The following GUCY1A2 variants were observed in gnomAD, a reference collection of about 807,000 sequenced individuals.
GUCY1A2 encodes guanylate cyclase soluble subunit alpha-2.
In GUCY1A2, 27 loss-of-function variants were observed where a neutral mutation model predicts 63.5. That is an observed-to-expected ratio of 0.43 (90% CI 0.31 to 0.59). The LOEUF (loss-of-function observed/expected upper bound fraction) is 0.59. Among genes scored for constraint, GUCY1A2 ranks in the 20% least tolerant of loss-of-function variants. GUCY1A2 has a pLI of 0.11. For synonymous variants in GUCY1A2, 364 were observed against 343.5 expected, an observed-to-expected ratio of 1.06 and a Z score of -0.66; for missense variants, 768 against 913.3, an observed-to-expected ratio of 0.84 and a Z score of 2.05.
rs192976403 is a variant in GUCY1A2 at position 107,007,995 on chromosome 11, C to T, written c.303+9758G>A. Among the ~76,000 whole-genome samples the T allele has an allele frequency of 4.1e-4, 61 of 149,878 alleles. 9 individuals carry two copies. In the Admixed American group the frequency reaches 4.2e-3, roughly 10 times the overall value. ...CTACAGGCATTTTAAGATAATCATA[C>T]TATCCGGCCTGGTGCGGTGGCTCAC... On this transcript the variant is annotated intron_variant, in intron 1 of 7. Transcript: ENST00000526355.
At chr11:106,803,211 C>A (rs1858635061) in intron 5 of GUCY1A2, among the ~76,000 whole-genome samples, 1 of 152,116 alleles carries the variant, frequency 6.6e-6, no homozygotes, top group Admixed American at 6.5e-5. Context: ...TAGTATTGGT[C>A]ACAGACATCC....
At chr11:106,783,284 A>T (rs1864497260) in intron 5 of GUCY1A2, among the ~76,000 whole-genome samples, 1 of 152,202 alleles carries the variant, frequency 6.6e-6, no homozygotes, top group African/African-American at 2.4e-5. Context: ...TGGGAGCACT[A>T]AAAGTCCGGA....
chr11:106,852,006 G>C (rs1289809880), intron 4 of GUCY1A2, among the ~76,000 whole-genome samples: 1 of 151,896 alleles, frequency 6.6e-6, no homozygotes, highest in Non-Finnish European at 1.5e-5. Context: ...CCATTTGTTT[G>C]AGTCCTCTTC....
At chr11:106,783,351 C>T (rs1329171841) in intron 5 of GUCY1A2, among the ~76,000 whole-genome samples, 1 of 152,172 alleles carries the variant, frequency 6.6e-6, no homozygotes, top group African/African-American at 2.4e-5. Context: ...AAGCACAGGT[C>T]CAACAATAGA....
At chr11:106,889,882 T>C (rs1859951301) in intron 4 of GUCY1A2, among the ~76,000 whole-genome samples, 1 of 152,206 alleles carries the variant, frequency 6.6e-6, no homozygotes, top group Non-Finnish European at 1.5e-5. Context: ...GGTTCTTTAA[T>C]GCTGATTTTT....
chr11:106,931,690 C>A (rs972508047), intron 4 of GUCY1A2, among the ~76,000 whole-genome samples: 10 of 152,096 alleles, frequency 6.6e-5, no homozygotes, highest in Non-Finnish European at 1.5e-4. Flanking sequence ...TACTACACTA[C>A]AGATAAGCTC....
At chr11:106,863,523 G>T (rs1304416024) in intron 4 of GUCY1A2, among the ~76,000 whole-genome samples, 1 of 152,182 alleles carries the variant, frequency 6.6e-6, no homozygotes, top group African/African-American at 2.4e-5. Context: ...CCAGTACCAT[G>T]CTGTTTTGGT....
chr11:106,992,240 AG>A (rs1861478511), intron 1 of GUCY1A2, among the ~76,000 whole-genome samples: 1 of 152,158 alleles, frequency 6.6e-6, no homozygotes, highest in Admixed American at 6.5e-5. Flanking sequence ...TCACTAAAAA[AG>A]AACAAAATTT....
chr11:106,992,952 A>C (rs895302059), intron 1 of GUCY1A2, among the ~76,000 whole-genome samples: 2 of 152,128 alleles, frequency 1.3e-5, no homozygotes, highest in African/African-American at 4.8e-5. Flanking sequence ...TCCAAAAGCC[A>C]TTCTTTGCAT....
At chr11:107,016,075 C>G (rs1861819453) in intron 1 of GUCY1A2, among the ~76,000 whole-genome samples, 1 of 152,186 alleles carries the variant, frequency 6.6e-6, no homozygotes, top group African/African-American at 2.4e-5. Flanking sequence ...AATACAAGTG[C>G]CACAAGAATA....
intron 5 of GUCY1A2, among the ~76,000 whole-genome samples, chr11:106,807,786 G>T (rs1169330818): frequency 6.6e-6 from 1 of 152,196 alleles, no homozygotes; most frequent in Non-Finnish European, 1.5e-5. Flanking sequence ...AAAGCAGGCA[G>T]AGGAATGTAG....
chr11:106,852,190 C>T (rs1175848611), intron 4 of GUCY1A2, among the ~76,000 whole-genome samples: 1 of 151,808 alleles, frequency 6.6e-6, no homozygotes, highest in Admixed American at 6.6e-5. Context: ...ACTTGTGTAT[C>T]ACTTCTAAGA....
intron 1 of GUCY1A2, among the ~76,000 whole-genome samples, chr11:107,001,647 C>G (rs556450578): frequency 6.6e-6 from 1 of 151,846 alleles, no homozygotes; most frequent in South Asian, 2.1e-4. Context: ...TTTGTATTCC[C>G]TTTTTTGGTT....
intron 4 of GUCY1A2, among the ~76,000 whole-genome samples, chr11:106,818,509 T>G (rs906898847): frequency 1.1e-4 from 17 of 152,078 alleles, no homozygotes; most frequent in African/African-American, 4.1e-4. Context: ...GAGCTCCCTA[T>G]CACATGAGAA....
intron 4 of GUCY1A2, among the ~76,000 whole-genome samples, chr11:106,852,958 A>G (rs1859376412): frequency 6.6e-6 from 1 of 152,102 alleles, no homozygotes; most frequent in South Asian, 2.1e-4. Flanking sequence ...AGCACTTGGA[A>G]TAGATCATTC....
chr11:106,958,133 C>A (rs942632072), intron 3 of GUCY1A2, among the ~76,000 whole-genome samples: 1 of 152,136 alleles, frequency 6.6e-6, no homozygotes, highest in African/African-American at 2.4e-5. Flanking sequence ...TACTTCTATA[C>A]TTCTGGAAGA....
chr11:106,720,488 G>T (rs1863297667), intron 6 of GUCY1A2, among the ~76,000 whole-genome samples: 1 of 151,910 alleles, frequency 6.6e-6, no homozygotes, highest in Non-Finnish European at 1.5e-5. Context: ...TGGCAATCTT[G>T]GCAAGTTAAA....
At chr11:106,992,982 T>C (rs1011108357) in intron 1 of GUCY1A2, among the ~76,000 whole-genome samples, 13 of 152,290 alleles carry the variant, frequency 8.5e-5, no homozygotes, top group Admixed American at 5.2e-4. Context: ...CTTTCCCTCA[T>C]CAAAATTCCA....
intron 1 of GUCY1A2, among the ~76,000 whole-genome samples, chr11:107,003,816 A>G (rs1365719837): frequency 3.9e-5 from 6 of 152,144 alleles, no homozygotes; most frequent in Non-Finnish European, 8.8e-5. Flanking sequence ...AGACTCTAAG[A>G]AGGAGATTAG....
Sources: gnomAD v4.1 joint callset for allele counts (sites outside exome capture counted in the v4.1 genomes callset) on GRCh38, gnomAD v4.1.1 for gene constraint, MANE v1.5 for transcripts, NCBI Gene and HGNC (gene_info 2026-07-23, HGNC 2026-07-21) for gene names.